Variants in SULT1A1 observed in about 807,000 individuals in gnomAD.
SULT1A1 encodes sulfotransferase 1A1.
Under a neutral mutation model 36.8 loss-of-function variants are expected in SULT1A1, and 35 were observed. The ratio of observed to expected loss-of-function variants is 0.95; its 90% CI spans 0.73 to 1.26. The LOEUF (loss-of-function observed/expected upper bound fraction) is 1.26, where lower values mean the gene tolerates loss of function less well. SULT1A1 is among the 50% of genes most tolerant of loss of function. The probability of loss-of-function intolerance (pLI) is 0.00; values close to 1 mark genes in which losing one functional copy is unlikely to be tolerated. For missense variants in SULT1A1, 309 were observed against 383.0 expected, an observed-to-expected ratio of 0.81 and a Z score of 1.61; for synonymous variants, 119 against 146.0, an observed-to-expected ratio of 0.82 and a Z score of 1.33.
At chr16:28,609,568 A>T in intron 1 of SULT1A1, 1 of 446,524 alleles carries the variant, frequency 2.2e-6, no homozygotes, top group South Asian at 2.0e-5. Flanking sequence ...GCAGCATTGC[A>T]AGACCCCATC....
intron 4 of SULT1A1, 154 bp downstream of exon 4, chr16:28,608,137 G>C: frequency 8.8e-7 from 1 of 1,138,598 alleles, no homozygotes; most frequent in South Asian, 1.6e-5. Context: ...ACAGGCACCC[G>C]CCACCACACC....
chr16:28,610,273 T>TTG (rs2047400773), upstream of SULT1A1: 3 of 1,092,856 alleles, frequency 2.7e-6, no homozygotes, highest in African/African-American at 2.0e-5. Context: ...TGTTTTTTTT[T>TTG]TTTTTTTTTT....
intron 1 of SULT1A1, chr16:28,623,004 G>A: frequency 3.1e-6 from 4 of 1,288,654 alleles, no homozygotes; most frequent in Non-Finnish European, 4.2e-6. Context: ...CGGTCTCAGA[G>A]CCCCGGCTCC....
chr16:28,605,622 T>A lies in SULT1A1; in HGVS notation c.*199A>T. On this transcript the variant is annotated 3_prime_UTR_variant, in exon 8 of 8. Coordinates refer to ENST00000314752, the MANE Select transcript of SULT1A1 (RefSeq NM_001055.4). Reference sequence around the variant, plus strand: ...AAAAATTGGTTTTATTTTATTTTATTTTTTTAACAGAATCTCACTATGTTG... The same window carrying A: ...AAAAATTGGTTTTATTTTATTTTATATTTTTAACAGAATCTCACTATGTTG... The A allele has an allele frequency of 1.1e-6, 1 of 894,664 alleles. No homozygotes were observed. 55.4% of individuals were successfully genotyped at this position (894,664 alleles called of 1,614,324 possible).
intron 1 of SULT1A1, among the ~76,000 whole-genome samples, chr16:28,622,317 C>A (rs2047672830): frequency 6.6e-6 from 1 of 152,144 alleles, no homozygotes; most frequent in South Asian, 2.1e-4. Context: ...AGGGAATGAA[C>A]CCCGGTATTT....
chr16:28,615,285 T>TA (rs2047513251), intron 2 of SULT1A1, among the ~76,000 whole-genome samples: 1 of 116,610 alleles, frequency 8.6e-6, no homozygotes, highest in Admixed American at 9.2e-5. Flanking sequence ...CACACTCCCC[T>TA]ACAGGGACTG....
chr16:28,610,246 T>C, upstream of SULT1A1: 2 of 1,212,426 alleles, frequency 1.6e-6, no homozygotes, highest in Non-Finnish European at 2.1e-6. Flanking sequence ...GGTTTGTTTT[T>C]GTAGGTTTTT....
chr16:28,610,556 G>C (rs35286393), upstream of SULT1A1: 266 of 252,884 alleles, frequency 1.1e-3, no homozygotes, highest in African/African-American at 5.6e-3. Flanking sequence ...AGGGATGTGT[G>C]TGGGCAGAGT....
chr16:28,606,322 G>A lies in SULT1A1; in HGVS notation c.595-86C>T, dbSNP rs2047184837. 2.3e-5 allele frequency: 36 copies of A among 1,595,632 alleles called. 1 individual carries two copies. Among genetic ancestry groups the A allele is most frequent in the Admixed American group, 5.3e-5 (3 of 56,654 alleles). ...GGTCCCCTTCTCTAACCTCAGAGGC[G>A]ATCTGGCCACTTCTCCTAGAAACCC... On this transcript the variant is annotated intron_variant, in intron 6 of 7. Transcript: ENST00000314752.
upstream of SULT1A1, chr16:28,610,201 A>G: frequency 7.8e-7 from 1 of 1,284,706 alleles, no homozygotes; most frequent in African/African-American, 1.5e-5. Context: ...GCTGTGTAGA[A>G]AACAGAAGAA....
chr16:28,611,618 C>G (rs1179754925), upstream of SULT1A1: 1 of 151,414 alleles, frequency 6.6e-6, no homozygotes, highest in Non-Finnish European at 1.5e-5. Context: ...TCTTGAGGAC[C>G]CCCACGTTCC....
intron 2 of SULT1A1, among the ~76,000 whole-genome samples, chr16:28,619,789 C>A (rs1434684222): frequency 6.6e-6 from 1 of 150,460 alleles, no homozygotes. Flanking sequence ...CACAAAGAAT[C>A]CTGATATGAT....
chr16:28,607,127 C>A, intron 4 of SULT1A1, 50 bp from the exon 5 acceptor site: 1 of 1,604,316 alleles, frequency 6.2e-7, no homozygotes, highest in African/African-American at 1.3e-5. Context: ...ACAGCCTGTC[C>A]CAGGCCAGCT....
chr16:28,608,197 G>A (rs575711160), intron 4 of SULT1A1, 94 bp downstream of exon 4: 7 of 1,526,874 alleles, frequency 4.6e-6, no homozygotes, highest in African/African-American at 1.4e-5. Context: ...ATGTTGCTCA[G>A]GGTGCTCTCA....
intron 2 of SULT1A1, among the ~76,000 whole-genome samples, chr16:28,615,695 C>T (rs568698832): frequency 7.2e-5 from 11 of 152,156 alleles, no homozygotes; most frequent in African/African-American, 2.4e-4. Context: ...GTAGTGGCCC[C>T]GAACGTCGGG....
chr16:28,609,777 G>A (rs2151700461), intron 1 of SULT1A1, 154 bp downstream of exon 1: 1 of 896,172 alleles, frequency 1.1e-6, no homozygotes, highest in Non-Finnish European at 1.5e-6. Flanking sequence ...AAACAAACAA[G>A]GGAAGGGAGG....
Position 28,605,407 on chromosome 16 carries a change from A to C in SULT1A1, c.*414T>G. The C allele has an allele frequency of 3.3e-6, 1 of 302,748 alleles. No individual in the cohort carries two copies. The allele number at this position is 302,748 out of a possible 1,614,324, so 18.8% of individuals were successfully genotyped here. ...TGCCTTCACTTGTCAAGTAGCTGGG[A>C]CTACAGGTGCCCACCATCACGTACA... On this transcript the variant is annotated 3_prime_UTR_variant, in exon 8 of 8. Transcript: ENST00000314752.
chr16:28,617,533 C>T (rs1184690137), intron 2 of SULT1A1, among the ~76,000 whole-genome samples: 1 of 151,522 alleles, frequency 6.6e-6, no homozygotes, highest in Non-Finnish European at 1.5e-5. Context: ...AAGACAGTTT[C>T]TTTTCTTTTC....
intron 6 of SULT1A1, 132 bp from the exon 7 acceptor site, chr16:28,606,368 C>A: frequency 1.4e-6 from 2 of 1,478,492 alleles, no homozygotes; most frequent in South Asian, 1.2e-5. Flanking sequence ...ACTCCTCAAC[C>A]CCCAGGGCCC....
Sources: allele counts gnomAD v4.1 joint callset (sites outside exome capture counted in the v4.1 genomes callset), GRCh38; gene constraint gnomAD v4.1.1; transcripts MANE v1.5; gene names NCBI Gene and HGNC (gene_info 2026-07-23, HGNC 2026-07-21).